Variants in STEAP4 observed in about 807,000 individuals in gnomAD.
STEAP4 encodes STEAP4 metalloreductase.
A neutral mutation model predicts 43.6 loss-of-function variants in STEAP4; 36 were observed. That is an observed-to-expected ratio of 0.83 (90% CI 0.63 to 1.09). The LOEUF is 1.09. STEAP4 is among the 50% of genes least tolerant of loss of function. The probability of loss-of-function intolerance (pLI) is 0.00; values close to 1 mark genes in which losing one functional copy is unlikely to be tolerated. For synonymous variants in STEAP4, 191 were observed against 196.7 expected, an observed-to-expected ratio of 0.97 and a Z score of 0.24; for missense variants, 495 against 546.5, an observed-to-expected ratio of 0.91 and a Z score of 0.94.
chr7:88,283,903 G>A lies in STEAP4; in HGVS notation c.367C>T (p.His123Tyr), dbSNP rs372894891. The change falls in exon 2 of 5, where the codon CAT (histidine) becomes TAT (tyrosine). Residue 123 changes from histidine (H) to tyrosine (Y), a missense_variant. By Grantham distance (83) the His-to-Tyr change is moderately conservative (BLOSUM62 2). Coordinates refer to ENST00000380079, the MANE Select transcript of STEAP4 (RefSeq NM_024636.4). ...ACCACGTGGGCTCCTGGCACCAAAT[G>A]AGCAAGGTACTCTGCATTAGATTCT... ...YPESNAEYLA[H>Y]LVPGAHVVKA... The A allele has an allele frequency of 2.2e-5, 36 of 1,614,046 alleles. No homozygotes were observed. The African/African-American group carries it at 3.3e-4, about 15-fold the overall frequency.
chr7:88,277,224 T>G lies in STEAP4; in HGVS notation c.*2174A>C, dbSNP rs1344915894. The G allele has an allele frequency of 6.6e-6, 1 of 152,222 alleles. No homozygotes were observed. The highest frequency in any genetic ancestry group is 2.4e-5 in the African/African-American group (1 of 41,460). The allele number at this position is 152,222 out of a possible 1,614,324, so 9.4% of individuals were successfully genotyped here. ...CACTGATACTGTAGGGTCAGCACCG[T>G]ATACCATGACTCTACTCAATGTCGT... On this transcript the variant is annotated 3_prime_UTR_variant, in exon 5 of 5. Transcript: ENST00000380079.
In STEAP4 at chr7:88,278,379, T is replaced by G. The variant is rs1167277645; in HGVS notation, c.*1019A>C. On this transcript the variant is annotated 3_prime_UTR_variant, in exon 5 of 5. Coordinates refer to ENST00000380079, the MANE Select transcript of STEAP4 (RefSeq NM_024636.4). ...ATTGTTCAAATTTATACCTGCAGAC[T>G]ATTCATTTAATTTTACTCCTTACAA... 3 of 152,214 alleles carry G rather than the reference T, an allele frequency of 2.0e-5. No individual in the cohort carries two copies. The East Asian group carries it at 5.8e-4, about 29-fold the overall frequency. 9.4% of individuals were successfully genotyped at this position (152,214 alleles called of 1,614,324 possible).
rs1002287713 is a variant in STEAP4, at chr7:88,278,341, C to T, written c.*1057G>A. ...CTGCCCTATGATTTTCCGTAATTTTCGATCATCTATGCATTGTTCAAATTT... is the reference window on the plus strand; with the variant it reads ...CTGCCCTATGATTTTCCGTAATTTTTGATCATCTATGCATTGTTCAAATTT... On this transcript the variant is annotated 3_prime_UTR_variant, in exon 5 of 5. Coordinates refer to ENST00000380079, the MANE Select transcript of STEAP4 (RefSeq NM_024636.4). The T allele has an allele frequency of 2.6e-5, 4 of 152,122 alleles. No individual in the cohort carries two copies. Among genetic ancestry groups the T allele is most frequent in the African/African-American group, 9.7e-5 (4 of 41,436 alleles). 9.4% of individuals were successfully genotyped at this position (152,122 alleles called of 1,614,324 possible).
At position 88,282,672 on chromosome 7, in the gene STEAP4, C is replaced by A. The variant is rs73205916; in HGVS notation, c.953G>T (p.Arg318Leu). Residue 318 changes from arginine to leucine, a missense_variant, in exon 3 of 5, where the codon CGA becomes CTA. Coordinates refer to ENST00000380079, the MANE Select transcript of STEAP4 (RefSeq NM_024636.4). ...TLVIPIRYYV[R>L]WRLGNLTVTQ... ...AACGGTTAAGTTTCCCAATCTCCAT[C>A]GTACATAATATCGAATAGGAATCAC... 8.3e-3 allele frequency: 13,425 copies of A among 1,613,856 alleles called. 78 individuals carry two copies. The highest frequency in any genetic ancestry group is 9.8e-3 in the Non-Finnish European group (11,619 of 1,179,890).
chr7:88,293,637 T>G (rs1852877459), intron 1 of STEAP4, among the ~76,000 whole-genome samples: 1 of 152,180 alleles, frequency 6.6e-6, no homozygotes, highest in Admixed American at 6.5e-5. Context: ...AGGACAAGGT[T>G]TATTTTTTGA....
rs1465509013 is a variant in STEAP4 at position 88,275,136 on chromosome 7, G to C, written c.*4262C>G. On this transcript the variant is annotated 3_prime_UTR_variant, in exon 5 of 5. Coordinates refer to ENST00000380079, the MANE Select transcript of STEAP4 (RefSeq NM_024636.4). Reference sequence around the variant, plus strand: ...GACGGAGTTTCACTCTTGTCACCCAGGCTGGAGTGCAATGGCGCGATCTTG... The same window carrying C: ...GACGGAGTTTCACTCTTGTCACCCACGCTGGAGTGCAATGGCGCGATCTTG... 1 of 152,566 alleles carries C rather than the reference G, an allele frequency of 6.6e-6. No homozygotes were observed. Among genetic ancestry groups the C allele is most frequent in the Non-Finnish European group, 1.5e-5 (1 of 68,404 alleles). The allele number at this position is 152,566 out of a possible 1,614,324, so 9.5% of individuals were successfully genotyped here. A position where few individuals can be genotyped will look rare whatever the true frequency, so the allele number is the denominator to read the frequency against.
rs1350584887 is a variant in STEAP4, at chr7:88,283,046, G to A, written c.579C>T (p.Pro193=). The change falls in exon 3 of 5, where the codon CCC becomes CCT. Residue 193 remains proline, a synonymous_variant. Coordinates refer to ENST00000380079, the MANE Select transcript of STEAP4 (RefSeq NM_024636.4). ...LMAAKEIEKY[P]LQLFPMWRFP... The stretch of plus-strand genomic sequence containing the variant: ...ACCTCCACATTGGAAATAGCTGCAG[G>A]GGGTACTTTTCAATTTCTTTGGCTG... The A allele has an allele frequency of 1.1e-5, 17 of 1,613,728 alleles. No homozygotes were observed. Among genetic ancestry groups the A allele is most frequent in the Non-Finnish European group, 1.4e-5 (16 of 1,179,810 alleles).
chr7:88,291,705 CTT>C (rs1414649012), intron 1 of STEAP4, among the ~76,000 whole-genome samples: 1 of 151,978 alleles, frequency 6.6e-6, no homozygotes, highest in Non-Finnish European at 1.5e-5. Flanking sequence ...CTACTTTACT[CTT>C]ATATCCAGGA....
intron 1 of STEAP4, among the ~76,000 whole-genome samples, chr7:88,303,157 T>A (rs954536819): frequency 6.9e-6 from 1 of 144,200 alleles, no homozygotes; most frequent in South Asian, 2.2e-4. Context: ...TTTATCCTGA[T>A]GTTAGGATTG....
In STEAP4 at chr7:88,275,706, C is replaced by T. The variant is rs1852504342; in HGVS notation, c.*3692G>A. The T allele has an allele frequency of 6.6e-6, 1 of 151,470 alleles. No homozygotes were observed. The highest frequency in any genetic ancestry group is 1.5e-5 in the Non-Finnish European group (1 of 67,966). The allele number at this position is 151,470 out of a possible 1,614,324, so 9.4% of individuals were successfully genotyped here. On this transcript the variant is annotated 3_prime_UTR_variant, in exon 5 of 5. Transcript: ENST00000380079. The stretch of plus-strand genomic sequence containing the variant: ...AAAATTGCAACTACTGTGTGCAGTA[C>T]CATGACTGCCATTACACCTTAATTT...
At chr7:88,286,808 C>T (rs916137352) in intron 1 of STEAP4, among the ~76,000 whole-genome samples, 18 of 109,028 alleles carry the variant, frequency 1.7e-4, no homozygotes, top group African/African-American at 4.3e-4. Flanking sequence ...CACACACACA[C>T]GCAAACAATG....
At chr7:88,295,438 G>A (rs1563502708) in intron 1 of STEAP4, among the ~76,000 whole-genome samples, 3 of 152,172 alleles carry the variant, frequency 2.0e-5, no homozygotes, top group Non-Finnish European at 4.4e-5. Context: ...GAGCCTGAAG[G>A]CCCAGACTAT....
At position 88,273,174 on chromosome 7, in the gene STEAP4, A is replaced by G. The variant is rs1174250187; in HGVS notation, c.*6224T>C. 1.3e-5 allele frequency: 2 copies of G among 152,208 alleles called. No homozygotes were observed. The highest frequency in any genetic ancestry group is 2.9e-5 in the Non-Finnish European group (2 of 68,036). The allele number at this position is 152,208 out of a possible 1,614,324, so 9.4% of individuals were successfully genotyped here. On this transcript the variant is annotated 3_prime_UTR_variant, in exon 5 of 5. Transcript: ENST00000380079. ...GAAATTATATGTTATTTTTAACTAT[A>G]GTCATCCTACAGAGCTATGGAACAC... is the stretch of plus-strand genomic sequence containing the variant.
Position 88,279,078 on chromosome 7 carries a change from G to A in STEAP4, c.*320C>T, listed in dbSNP as rs913831101. 15 of 328,970 alleles carry A rather than the reference G, an allele frequency of 4.6e-5. No homozygotes were observed. Among genetic ancestry groups the A allele is most frequent in the Non-Finnish European group, 8.7e-5 (15 of 173,332 alleles). The allele number at this position is 328,970 out of a possible 1,614,324, so 20.4% of individuals were successfully genotyped here. ...TTCTATTGGATTTTGCAAGACATTA[G>A]GTCATGCATGTTGCCCATAACAAGG... On this transcript the variant is annotated 3_prime_UTR_variant, in exon 5 of 5. Coordinates refer to ENST00000380079, the MANE Select transcript of STEAP4 (RefSeq NM_024636.4).
In STEAP4 at chr7:88,280,207, T is replaced by C. The variant is rs145233096; in HGVS notation, c.1150-579A>G. ...GAAATTGCAAGACTTAAGATTCCAA[T>C]AGTTCTATAAAATTCTAACCTAATT... On this transcript the variant is annotated intron_variant, in intron 4 of 4. Coordinates refer to ENST00000380079, the MANE Select transcript of STEAP4 (RefSeq NM_024636.4). 2.2e-4 allele frequency among the ~76,000 whole-genome samples: 33 copies of C among 152,370 alleles called. 1 individual carries two copies. In the East Asian group the frequency reaches 4.2e-3, roughly 20 times the overall value.
At chr7:88,284,348 G>C in intron 1 of STEAP4, 77 bp from the exon 2 acceptor site, 2 of 1,030,032 alleles carry the variant, frequency 1.9e-6, no homozygotes, top group Non-Finnish European at 2.8e-6. Flanking sequence ...CTATATTCAA[G>C]AAGTAATGTA....
At chr7:88,281,105 A>C (rs779314923) in intron 3 of STEAP4, 26 bp from the exon 4 acceptor site, 1 of 1,508,282 alleles carries the variant, frequency 6.6e-7, no homozygotes, top group Non-Finnish European at 8.9e-7. Flanking sequence ...AGCAATTACA[A>C]AACTACATTT....
chr7:88,306,410 C>T (rs1290248250), intron 1 of STEAP4, among the ~76,000 whole-genome samples: 1 of 152,210 alleles, frequency 6.6e-6, no homozygotes, highest in African/African-American at 2.4e-5. Context: ...AGTGCCTGGT[C>T]AAGAAGCAGC....
intron 1 of STEAP4, chr7:88,292,912 T>C (rs1852859586): frequency 6.6e-6 from 1 of 152,194 alleles, no homozygotes; most frequent in African/African-American, 2.4e-5. Context: ...AGTTTAACTC[T>C]TCATCTAAGG....
Sources: allele counts gnomAD v4.1 joint callset (sites outside exome capture counted in the v4.1 genomes callset), GRCh38; gene constraint gnomAD v4.1.1; transcripts MANE v1.5; gene names NCBI Gene and HGNC (gene_info 2026-07-23, HGNC 2026-07-21).